The following EXOSC9 variants were observed in gnomAD, a reference collection of about 807,000 sequenced individuals.
EXOSC9 encodes the protein exosome complex component RRP45.
A neutral mutation model predicts 56.5 loss-of-function variants in EXOSC9; 38 were observed. The ratio of observed to expected loss-of-function variants is 0.67; its 90% CI spans 0.52 to 0.88. The LOEUF is 0.88. EXOSC9 is among the 40% of genes least tolerant of loss of function. The pLI, the probability that EXOSC9 is intolerant of heterozygous loss-of-function variation, is 0.00. For synonymous variants in EXOSC9, 170 were observed against 170.8 expected, an observed-to-expected ratio of 0.99 and a Z score of 0.04; for missense variants, 559 against 530.5, an observed-to-expected ratio of 1.05 and a Z score of -0.53.
rs754378543 is a variant in EXOSC9 at position 121,813,270 on chromosome 4, A to G, written c.864A>G (p.Ile288Met). 11 of 1,613,838 alleles carry G rather than the reference A, an allele frequency of 6.8e-6. No individual in the cohort carries two copies. Among genetic ancestry groups the G allele is most frequent in the Non-Finnish European group, 9.3e-6 (11 of 1,179,880 alleles). The change falls in exon 9 of 12, where the codon ATA becomes ATG. Residue 288 changes from isoleucine (I) to methionine (M), a missense_variant. Ile to Met is a conservative substitution (Grantham distance 10). Transcript: ENST00000243498. ...EGGKFGFAES[I>M]ANQRITAFKM... ...GAAAGTTTGGTTTTGCAGAGTCTAT[A>G]GCAAATCAAAGGATCACAGCATTTA...
chr4:121,810,555 G>A (rs865915439), intron 7 of EXOSC9, among the ~76,000 whole-genome samples: 1 of 152,102 alleles, frequency 6.6e-6, no homozygotes, highest in East Asian at 1.9e-4. Flanking sequence ...GCTGGCGCAC[G>A]CCTGTAATCC....
intron 10 of EXOSC9, chr4:121,815,915 G>A (rs1724480818): frequency 6.6e-6 from 8 of 1,210,764 alleles, no homozygotes; most frequent in Non-Finnish European, 7.2e-6. Context: ...TTACAGATGA[G>A]TTCTAGAGTG....
rs775504835 is a variant in EXOSC9 at position 121,810,116 on chromosome 4, A to G, written c.738+17A>G. 2.1e-5 allele frequency: 34 copies of G among 1,607,838 alleles called. No homozygotes were observed. Among genetic ancestry groups the G allele is most frequent in the South Asian group, 1.5e-4 (14 of 90,652 alleles). The stretch of plus-strand genomic sequence containing the variant: ...AAAGATCAAGTTAGTGCTTTGATTA[A>G]TGTCCCATTAATAATAGGTTGCTTC... On this transcript the variant is annotated intron_variant, in intron 7 of 11. Coordinates refer to ENST00000243498, the MANE Select transcript of EXOSC9 (RefSeq NM_005033.3).
intron 7 of EXOSC9, among the ~76,000 whole-genome samples, chr4:121,810,491 C>T (rs1727182813): frequency 6.6e-6 from 1 of 151,796 alleles, no homozygotes; most frequent in South Asian, 2.1e-4. Flanking sequence ...ACCAGCCTGG[C>T]CAACATGGTG....
intron 6 of EXOSC9, 150 bp from the exon 7 acceptor site, chr4:121,809,817 C>T: frequency 2.7e-6 from 2 of 735,840 alleles, no homozygotes; most frequent in South Asian, 1.7e-5. Flanking sequence ...ATTTTCTTGT[C>T]TCTTTCCCCA....
chr4:121,801,704 G>T, intron 1 of EXOSC9, 123 bp from the exon 2 acceptor site: 3 of 875,978 alleles, frequency 3.4e-6, no homozygotes, highest in Non-Finnish European at 5.6e-6. Flanking sequence ...CCACTTTCCT[G>T]TATGGGCGGG....
At position 121,804,719 on chromosome 4, in the gene EXOSC9, G is replaced by A. The variant is rs144214053; in HGVS notation, c.482G>A (p.Arg161Gln). The A allele has an allele frequency of 1.9e-5, 31 of 1,612,984 alleles. No homozygotes were observed. In the African/African-American group the frequency reaches 2.4e-4, roughly 13 times the overall value. Residue 161 changes from arginine (R) to glutamine (Q), a missense_variant, in exon 5 of 12, where the codon CGA becomes CAA. Arg to Gln is a conservative substitution (Grantham distance 43). Transcript: ENST00000243498. Reference sequence around the variant, plus strand: ...GCAATCGTGGCCTTATGTCATTTCCGAAGACCTGATGTCTCTGTCCAAGGA... The same window carrying A: ...GCAATCGTGGCCTTATGTCATTTCCAAAGACCTGATGTCTCTGTCCAAGGA... ...IAAIVALCHF[R>Q]RPDVSVQGDE...
intron 5 of EXOSC9, among the ~76,000 whole-genome samples, chr4:121,805,796 CT>C (rs765272603): frequency 0.014 from 945 of 67,918 alleles, 11 homozygotes; most frequent in East Asian, 0.043. Flanking sequence ...AGAAAATATT[CT>C]TTTTTTTTTT....
intron 9 of EXOSC9, 67 bp downstream of exon 9, chr4:121,813,447 T>C (rs187917628): frequency 7.2e-7 from 1 of 1,391,638 alleles, no homozygotes; most frequent in African/African-American, 1.4e-5. Context: ...TATTAGGCTA[T>C]ATGAAGGATG....
chr4:121,809,545 C>T (rs1230246453), intron 6 of EXOSC9, among the ~76,000 whole-genome samples: 1 of 152,006 alleles, frequency 6.6e-6, no homozygotes, highest in African/African-American at 2.4e-5. Flanking sequence ...CCGGACAGTG[C>T]AGAAATAGAC....
intron 8 of EXOSC9, among the ~76,000 whole-genome samples, chr4:121,812,190 C>G (rs1180945410): frequency 1.3e-5 from 2 of 152,156 alleles, no homozygotes; most frequent in African/African-American, 4.8e-5. Flanking sequence ...AAGTCTGGGT[C>G]AAGTCCAGAA....
intron 5 of EXOSC9, among the ~76,000 whole-genome samples, chr4:121,805,875 G>A (rs989296106): frequency 3.4e-5 from 5 of 149,152 alleles, no homozygotes. Flanking sequence ...GCGTGATCTC[G>A]GCTCACTGTA....
At position 121,811,658 on chromosome 4, in the gene EXOSC9, G is replaced by T. The variant is rs370403131; in HGVS notation, c.814G>T (p.Asp272Tyr). ...TELILKALEN[D>Y]QKVRKEGGKF... The stretch of plus-strand genomic sequence containing the variant: ...GCTAATATTGAAAGCTTTGGAGAAT[G>T]ACCAAAAAGTAAGGTAAGTAACTTT... The change falls in exon 8 of 12, where the codon GAC (aspartate) becomes TAC (tyrosine). Residue 272 changes from aspartate to tyrosine, a missense_variant. Physicochemically the swap from Asp to Tyr is radical, Grantham distance 160. Coordinates refer to ENST00000243498, the MANE Select transcript of EXOSC9 (RefSeq NM_005033.3). 6.4e-7 allele frequency: 1 copy of T among 1,556,892 alleles called. No individual in the cohort carries two copies. The highest frequency in any genetic ancestry group is 1.3e-5 in the South Asian group (1 of 79,498).
chr4:121,802,990 GTCTC>G lies in EXOSC9; in HGVS notation c.361_364del (p.Leu121ValfsTer13), dbSNP rs757690085. On this transcript the variant is annotated frameshift_variant, in exon 4 of 12. Coordinates refer to ENST00000243498, the MANE Select transcript of EXOSC9 (RefSeq NM_005033.3). LOFTEE classifies it high-confidence loss of function. ...GAAATTCGAAGTGTATAGACACTGAGTCTCTCTGTGTTGTTGCTGGTGAAAAGGT... is the reference window on the plus strand; with the variant it reads ...GAAATTCGAAGTGTATAGACACTGAGTCTGTGTTGTTGCTGGTGAAAAGGT... 1.2e-6 allele frequency: 2 copies of G among 1,613,660 alleles called. No homozygotes were observed. Among genetic ancestry groups the G allele is most frequent in the Non-Finnish European group, 1.7e-6 (2 of 1,179,578 alleles).
At chr4:121,801,772 T>A (rs1181738732) in intron 1 of EXOSC9, 55 bp from the exon 2 acceptor site, 2 of 1,476,374 alleles carry the variant, frequency 1.4e-6, no homozygotes, top group African/African-American at 1.4e-5. Context: ...AAAAAGTAGT[T>A]GCTTAAGAAA....
chr4:121,803,550 TA>T (rs1263504488), intron 4 of EXOSC9, among the ~76,000 whole-genome samples: 3 of 152,176 alleles, frequency 2.0e-5, no homozygotes, highest in Non-Finnish European at 4.4e-5. Context: ...TATTTTGTTT[TA>T]TTTTTTTGAG....
intron 6 of EXOSC9, among the ~76,000 whole-genome samples, chr4:121,808,683 CTTTTT>C (rs79076139): frequency 2.9e-5 from 4 of 139,266 alleles, no homozygotes; most frequent in African/African-American, 1.1e-4. Context: ...CTTTTCTTTT[CTTTTT>C]TTTTTTTAAG....
intron 5 of EXOSC9, among the ~76,000 whole-genome samples, chr4:121,806,221 C>T (rs1279089975): frequency 1.3e-5 from 2 of 151,844 alleles, no homozygotes. Flanking sequence ...GGCGTGATCT[C>T]GGCTCACTGC....
chr4:121,810,254 C>T (rs1727173604), intron 7 of EXOSC9, among the ~76,000 whole-genome samples, 155 bp downstream of exon 7: 1 of 152,134 alleles, frequency 6.6e-6, no homozygotes, highest in Non-Finnish European at 1.5e-5. Context: ...TAAATACATT[C>T]TGTTGACTGG....
Sources: gnomAD v4.1 joint callset for allele counts (sites outside exome capture counted in the v4.1 genomes callset) on GRCh38, gnomAD v4.1.1 for gene constraint, MANE v1.5 for transcripts, NCBI Gene and HGNC (gene_info 2026-07-23, HGNC 2026-07-21) for gene names.